The following EIF3B variants were observed in gnomAD, a reference collection of about 807,000 sequenced individuals.
The protein encoded by EIF3B is eukaryotic translation initiation factor 3 subunit B.
A neutral mutation model predicts 104.6 loss-of-function variants in EIF3B; 10 were observed. The ratio of observed to expected loss-of-function variants is 0.10; its 90% CI spans 0.06 to 0.16. EIF3B has a LOEUF of 0.16. Among genes scored for constraint, EIF3B ranks in the 10% least tolerant of loss-of-function variants. EIF3B has a pLI of 1.00. For synonymous variants in EIF3B, 542 were observed against 417.2 expected (o/e 1.30, Z -3.65); for missense variants, 1,014 against 1,087.9 (o/e 0.93, Z 0.96).
In EIF3B at chr7:2,378,379, C is replaced by G. The variant is rs112559182; in HGVS notation, c.2155-310C>G. ...ATGGAGGAAGGAACAGGCGAGCGCT[C>G]CTGGGATGCTGTGTTGTGTGAATGA... On this transcript the variant is annotated intron_variant, in intron 15 of 18. Coordinates refer to ENST00000360876, the MANE Select transcript of EIF3B (RefSeq NM_001037283.2). 8 of 302,010 alleles carry G rather than the reference C, an allele frequency of 2.6e-5. 1 individual carries two copies. Among genetic ancestry groups the G allele is most frequent in the African/African-American group, 1.9e-4 (4 of 20,934 alleles). 18.7% of individuals were successfully genotyped at this position (302,010 alleles called of 1,614,324 possible). A position where few individuals can be genotyped will look rare whatever the true frequency, so the allele number is the denominator to read the frequency against.
At chr7:2,375,321 C>T (rs1455700975) in intron 13 of EIF3B, 68 bp from the exon 14 acceptor site, 2 of 1,600,098 alleles carry the variant, frequency 1.2e-6, no homozygotes, top group Non-Finnish European at 1.7e-6. Context: ...GCCGCAGCAC[C>T]TCTCAGGAGT....
rs1181585747 is a variant in EIF3B at position 2,364,360 on chromosome 7, C to A, written c.1000-12C>A. 1 of 1,575,504 alleles carries A rather than the reference C, an allele frequency of 6.3e-7. No homozygotes were observed. Among genetic ancestry groups the A allele is most frequent in the Non-Finnish European group, 8.6e-7 (1 of 1,166,838 alleles). On this transcript the variant is annotated splice_polypyrimidine_tract_variant and intron_variant, in intron 5 of 18. Transcript: ENST00000360876. Reference sequence around the variant, plus strand: ...TTTGTTGTATTAACGTTGGCACTGCCTTTTTCTGCAGAGATGGACAGAGAC... The same window carrying A: ...TTTGTTGTATTAACGTTGGCACTGCATTTTTCTGCAGAGATGGACAGAGAC...
chr7:2,366,659 C>A, intron 8 of EIF3B, 68 bp downstream of exon 8: 1 of 1,566,874 alleles, frequency 6.4e-7, no homozygotes, highest in South Asian at 1.1e-5. Context: ...TGGTGCCTTT[C>A]CTTATTTGTG....
chr7:2,362,902 T>TTCA, intron 3 of EIF3B, 138 bp downstream of exon 3: 4 of 1,445,788 alleles, frequency 2.8e-6, no homozygotes, highest in Non-Finnish European at 3.8e-6. Flanking sequence ...GCAGAGCCAT[T>TTCA]TCACAGCCCT....
chr7:2,358,634 C>A (rs1779580964), intron 1 of EIF3B, among the ~76,000 whole-genome samples: 1 of 152,130 alleles, frequency 6.6e-6, no homozygotes, highest in Non-Finnish European at 1.5e-5. Context: ...TCAAGCGATT[C>A]TCCTGCCCCA....
intron 3 of EIF3B, 130 bp from the exon 4 acceptor site, chr7:2,362,940 C>G: frequency 7.0e-7 from 1 of 1,433,246 alleles, no homozygotes; most frequent in Non-Finnish European, 9.7e-7. Flanking sequence ...TACAGCACCC[C>G]TCCCTGTTAT....
intron 6 of EIF3B, among the ~76,000 whole-genome samples, chr7:2,366,019 TG>T (rs1255587669): frequency 1.3e-5 from 2 of 152,062 alleles, no homozygotes; most frequent in Non-Finnish European, 2.9e-5. Context: ...TTATTAAACA[TG>T]GGTAAAGATA....
intron 6 of EIF3B, 149 bp from the exon 7 acceptor site, chr7:2,366,168 C>T: frequency 1.3e-6 from 1 of 743,992 alleles, no homozygotes; most frequent in Non-Finnish European, 2.1e-6. Flanking sequence ...CTGCTTCCCG[C>T]TTCCGCTTGG....
chr7:2,372,398 C>CT (rs1780401322), intron 11 of EIF3B, among the ~76,000 whole-genome samples: 2 of 152,208 alleles, frequency 1.3e-5, no homozygotes, highest in African/African-American at 4.8e-5. Flanking sequence ...TCCACAGCTG[C>CT]TGACAATGTC....
chr7:2,377,284 G>C (rs1442718618), intron 15 of EIF3B, among the ~76,000 whole-genome samples: 1 of 152,224 alleles, frequency 6.6e-6, no homozygotes, highest in Non-Finnish European at 1.5e-5. Context: ...AGCTTCTTTA[G>C]GGAAGTTTTG....
At chr7:2,369,411 T>G in intron 9 of EIF3B, 61 bp from the exon 10 acceptor site, 1 of 1,554,492 alleles carries the variant, frequency 6.4e-7, no homozygotes, top group Non-Finnish European at 8.9e-7. Context: ...TATTCTCTTC[T>G]GCTTTTCAGT....
intron 14 of EIF3B, 45 bp downstream of exon 14, chr7:2,375,572 G>GACAT: frequency 6.2e-7 from 1 of 1,612,298 alleles, no homozygotes; most frequent in Admixed American, 1.7e-5. Flanking sequence ...TAGAAGCAGG[G>GACAT]AGTGCTGGCT....
chr7:2,354,230 A>T (rs1350860741), upstream of EIF3B: 1 of 152,306 alleles, frequency 6.6e-6, no homozygotes, highest in Non-Finnish European at 1.5e-5. Flanking sequence ...ACATTTTTGT[A>T]TCGCGCCAGG....
chr7:2,354,477 T>C (rs147178344), upstream of EIF3B, among the ~76,000 whole-genome samples: 12 of 152,294 alleles, frequency 7.9e-5, no homozygotes, highest in Non-Finnish European at 1.6e-4. Flanking sequence ...AGAGGACATT[T>C]TCCTAGCATT....
chr7:2,374,336 C>T, intron 12 of EIF3B, 192 bp from the exon 13 acceptor site: 2 of 508,164 alleles, frequency 3.9e-6, no homozygotes, highest in Non-Finnish European at 3.5e-6. Flanking sequence ...TCTTTTTTTT[C>T]CCATTTAAAG....
chr7:2,367,665 T>TC (rs1267173279), intron 9 of EIF3B, among the ~76,000 whole-genome samples: 5 of 151,924 alleles, frequency 3.3e-5, no homozygotes, highest in Non-Finnish European at 7.4e-5. Flanking sequence ...GGATGGGGTT[T>TC]CACCATGTTG....
intron 10 of EIF3B, among the ~76,000 whole-genome samples, chr7:2,370,219 G>T (rs1289720002): frequency 6.6e-6 from 1 of 152,040 alleles, no homozygotes; most frequent in African/African-American, 2.4e-5. Flanking sequence ...GCCCATGCCT[G>T]TAATCCCAGC....
chr7:2,354,480 C>A (rs1016891070), upstream of EIF3B, among the ~76,000 whole-genome samples: 1 of 152,200 alleles, frequency 6.6e-6, no homozygotes, highest in Admixed American at 6.5e-5. Context: ...GGACATTTTC[C>A]TAGCATTCCG....
At chr7:2,357,666 A>C (rs1779522537) in intron 1 of EIF3B, among the ~76,000 whole-genome samples, 1 of 152,068 alleles carries the variant, frequency 6.6e-6, no homozygotes, top group Non-Finnish European at 1.5e-5. Context: ...TTTAGTGTTG[A>C]GAATTGTTCT....
Sources: gnomAD v4.1 joint callset for allele counts (sites outside exome capture counted in the v4.1 genomes callset) on GRCh38, gnomAD v4.1.1 for gene constraint, MANE v1.5 for transcripts, NCBI Gene and HGNC (gene_info 2026-07-23, HGNC 2026-07-21) for gene names.